Variants in ADCYAP1R1 observed in about 807,000 individuals in gnomAD.
ADCYAP1R1 encodes the protein pituitary adenylate cyclase-activating polypeptide type I receptor.
Under a neutral mutation model 67.6 loss-of-function variants are expected in ADCYAP1R1, and 44 were observed. That is an observed-to-expected ratio of 0.65 (90% CI 0.51 to 0.84). ADCYAP1R1 has a LOEUF of 0.84. Among genes scored for constraint, ADCYAP1R1 ranks in the 40% least tolerant of loss-of-function variants. ADCYAP1R1 has a pLI of 0.00. For missense variants in ADCYAP1R1, 477 were observed against 587.9 expected (o/e 0.81, Z 1.95); for synonymous variants, 222 against 219.6 (o/e 1.01, Z -0.10).
intron 3 of ADCYAP1R1, among the ~76,000 whole-genome samples, chr7:31,068,223 A>G (rs1050141783): frequency 1.3e-5 from 2 of 152,014 alleles, no homozygotes; most frequent in Admixed American, 6.5e-5. Context: ...GCGCACACAC[A>G]CACACACACA....
At chr7:31,103,130 C>T (rs1351057071) in intron 13 of ADCYAP1R1, 107 bp from the exon 14 acceptor site, 3 of 1,485,224 alleles carry the variant, frequency 2.0e-6, no homozygotes, top group Non-Finnish European at 9.1e-7. Flanking sequence ...ACACGGGCCC[C>T]AGCTTGGAGG....
rs1287377479 is a variant in ADCYAP1R1, at chr7:31,107,146, G to C, written c.*462G>C. 6.4e-6 allele frequency: 1 copy of C among 156,628 alleles called. No individual in the cohort carries two copies. The highest frequency in any genetic ancestry group is 1.4e-5 in the Non-Finnish European group (1 of 71,326). The allele number at this position is 156,628 out of a possible 1,614,324, so 9.7% of individuals were successfully genotyped here. On this transcript the variant is annotated 3_prime_UTR_variant, in exon 16 of 16. Coordinates refer to ENST00000304166, the MANE Select transcript of ADCYAP1R1 (RefSeq NM_001118.5). ...CATCTGATTTTGGGTGTGACCCCTC[G>C]AGTGTGCATGCCACCCTGGGGCTCT... is the stretch of plus-strand genomic sequence containing the variant.
intron 1 of ADCYAP1R1, among the ~76,000 whole-genome samples, chr7:31,061,847 C>T (rs912004223): frequency 2.0e-5 from 3 of 152,122 alleles, no homozygotes; most frequent in Non-Finnish European, 4.4e-5. Context: ...GGGGGGTGTG[C>T]GAAGACTAAT....
chr7:31,073,073 A>G (rs752124647), intron 3 of ADCYAP1R1, among the ~76,000 whole-genome samples: 105 of 152,384 alleles, frequency 6.9e-4, no homozygotes, highest in Middle Eastern at 3.4e-3. Flanking sequence ...GACCCATTTC[A>G]GACTTCTGAC....
chr7:31,055,725 A>G (rs1198189326), intron 1 of ADCYAP1R1, among the ~76,000 whole-genome samples: 1 of 152,224 alleles, frequency 6.6e-6, no homozygotes, highest in Non-Finnish European at 1.5e-5. Flanking sequence ...GTTAGGAAAG[A>G]TAAATAAATG....
intron 2 of ADCYAP1R1, among the ~76,000 whole-genome samples, chr7:31,064,474 A>G (rs1794646560): frequency 6.6e-6 from 1 of 152,192 alleles, no homozygotes; most frequent in African/African-American, 2.4e-5. Context: ...TAAAAATAGT[A>G]CTTCATAGTA....
intron 1 of ADCYAP1R1, among the ~76,000 whole-genome samples, chr7:31,056,504 C>A (rs1794250476): frequency 6.6e-6 from 1 of 152,088 alleles, no homozygotes; most frequent in Non-Finnish European, 1.5e-5. Flanking sequence ...CTACTGCCTC[C>A]TCCTGAAATT....
chr7:31,110,361 C>A lies in ADCYAP1R1; in HGVS notation c.*3677C>A, dbSNP rs1009715936. Reference sequence around the variant, plus strand: ...ACGCTTTGCTCCTGGCTTGTTTGACCTTGACTCATTCCCCATATGTCTTTG... The same window carrying A: ...ACGCTTTGCTCCTGGCTTGTTTGACATTGACTCATTCCCCATATGTCTTTG... On this transcript the variant is annotated 3_prime_UTR_variant, in exon 16 of 16. Transcript: ENST00000304166. 2 of 152,146 alleles carry A rather than the reference C, an allele frequency of 1.3e-5. No individual in the cohort carries two copies. Among genetic ancestry groups the A allele is most frequent in the African/African-American group, 4.8e-5 (2 of 41,442 alleles). The allele number at this position is 152,146 out of a possible 1,614,324, so 9.4% of individuals were successfully genotyped here. A position where few individuals can be genotyped will look rare whatever the true frequency, so the allele number is the denominator to read the frequency against.
Position 31,087,681 on chromosome 7 carries a change from G to A in ADCYAP1R1, c.939G>A (p.Val313=), listed in dbSNP as rs766962141. ...TALWWVIKGP[V]VGSIMVNFVL... ...TGTGGTGGGTGATCAAAGGCCCTGT[G>A]GTTGGCTCTATCATGGTGAGTGTCC... is the stretch of plus-strand genomic sequence containing the variant. The change falls in exon 12 of 16, where the codon GTG becomes GTA. Residue 313 remains valine, a synonymous_variant. Coordinates refer to ENST00000304166, the MANE Select transcript of ADCYAP1R1 (RefSeq NM_001118.5). 1.5e-4 allele frequency: 237 copies of A among 1,613,848 alleles called. No homozygotes were observed. Among genetic ancestry groups the A allele is most frequent in the Non-Finnish European group, 1.9e-4 (227 of 1,179,918 alleles).
intron 3 of ADCYAP1R1, among the ~76,000 whole-genome samples, chr7:31,065,880 C>T (rs545971111): frequency 2.6e-5 from 4 of 152,338 alleles, no homozygotes; most frequent in African/African-American, 9.6e-5. Context: ...TGTATTTAAG[C>T]ACTTGACTAA....
chr7:31,097,722 T>A (rs889015406), intron 13 of ADCYAP1R1, among the ~76,000 whole-genome samples: 5 of 151,976 alleles, frequency 3.3e-5, no homozygotes, highest in Admixed American at 1.3e-4. Flanking sequence ...ACAGGAACAA[T>A]CTTGAAGCTA....
rs560576557 is a variant in ADCYAP1R1 at position 31,085,310 on chromosome 7, G to A, written c.537G>A (p.Arg179=). The change falls in exon 9 of 16, where the codon CGG becomes CGA. Residue 179 remains arginine (R), a splice_region_variant and synonymous_variant. Transcript: ENST00000304166. ...TTTCTCCCCTGGCCCACTCATGTAG[G>A]AAGCTGCACTGCACACGCAACTTCA... ...TTAMVILCRF[R]KLHCTRNFIH... is the part of the protein sequence containing the mutation. 16 of 1,613,098 alleles carry A rather than the reference G, an allele frequency of 9.9e-6. No homozygotes were observed. Among genetic ancestry groups the A allele is most frequent in the Non-Finnish European group, 1.3e-5 (15 of 1,179,668 alleles).
rs1350717866 is a variant in ADCYAP1R1, at chr7:31,102,034, G to A, written c.1047-1203G>A. ...CCTTCCTTCCTTCTCCTCTCTGAAT[G>A]TAAGCTAGGAAGTCAAGGGCCTCAC... On this transcript the variant is annotated intron_variant, in intron 13 of 15. Transcript: ENST00000304166. This position sits in a 1 kb window ranked among gnomAD's most constrained non-coding sequence, Gnocchi z 4.3. Among the ~76,000 whole-genome samples, 1 of 152,144 alleles carries A rather than the reference G, an allele frequency of 6.6e-6. No individual in the cohort carries two copies. Among genetic ancestry groups the A allele is most frequent in the Non-Finnish European group, 1.5e-5 (1 of 68,024 alleles).
At chr7:31,078,391 C>T (rs76483469) in intron 4 of ADCYAP1R1, among the ~76,000 whole-genome samples, 6,257 of 152,286 alleles carry the variant, frequency 0.041, 149 homozygotes, top group East Asian at 0.1. Flanking sequence ...GTATGTGGCC[C>T]GGTGGCCCCC....
At chr7:31,058,255 C>T (rs1794340756) in intron 1 of ADCYAP1R1, among the ~76,000 whole-genome samples, 1 of 152,164 alleles carries the variant, frequency 6.6e-6, no homozygotes, top group African/African-American at 2.4e-5. Flanking sequence ...CTCTGAGTCC[C>T]CTCTGCACGG....
At chr7:31,069,820 C>A (rs567783442) in intron 3 of ADCYAP1R1, among the ~76,000 whole-genome samples, 2 of 152,214 alleles carry the variant, frequency 1.3e-5, no homozygotes, top group East Asian at 3.9e-4. Flanking sequence ...GAGAGGTGGC[C>A]GTGGGGAGTG....
In ADCYAP1R1 at chr7:31,063,177, C is replaced by A; in HGVS notation, c.-71-17C>A. 1 of 1,544,896 alleles carries A rather than the reference C, an allele frequency of 6.5e-7. No homozygotes were observed. The highest frequency in any genetic ancestry group is 1.1e-5 in the South Asian group (1 of 88,984). On this transcript the variant is annotated splice_polypyrimidine_tract_variant and intron_variant, in intron 1 of 15. Coordinates refer to ENST00000304166, the MANE Select transcript of ADCYAP1R1 (RefSeq NM_001118.5). The stretch of plus-strand genomic sequence containing the variant: ...TGCACTGGGCTCACAGGATTCACAC[C>A]TTTCCTTCCTCTCTAGCCCAGAGAC...
At position 31,052,682 on chromosome 7, in the gene ADCYAP1R1, A is replaced by T. The variant is rs1269168326; in HGVS notation, c.-72+4A>T. On this transcript the variant is annotated splice_donor_region_variant and intron_variant, in intron 1 of 15. Coordinates refer to ENST00000304166, the MANE Select transcript of ADCYAP1R1 (RefSeq NM_001118.5). ...GGACAGGCCCCGCAGTGAGCAGGTA[A>T]GGGTCGCCCCGCCGCGGCTGCCCCT... 1 of 151,828 alleles carries T rather than the reference A, an allele frequency of 6.6e-6. No individual in the cohort carries two copies. The highest frequency in any genetic ancestry group is 1.5e-5 in the Non-Finnish European group (1 of 68,018). 9.4% of individuals were successfully genotyped at this position (151,828 alleles called of 1,614,324 possible).
At position 31,106,868 on chromosome 7, in the gene ADCYAP1R1, G is replaced by T. The variant is rs1466822396; in HGVS notation, c.*184G>T. 4.2e-6 allele frequency: 3 copies of T among 719,432 alleles called. No homozygotes were observed. Among genetic ancestry groups the T allele is most frequent in the Non-Finnish European group, 6.5e-6 (3 of 458,702 alleles). The allele number at this position is 719,432 out of a possible 1,614,324, so 44.6% of individuals were successfully genotyped here. ...TTGTCCCCTCCTTGTTTTGGTACTGGTCCCACCCACTGTGGTCCCCTGGGC... is the reference window on the plus strand; with the variant it reads ...TTGTCCCCTCCTTGTTTTGGTACTGTTCCCACCCACTGTGGTCCCCTGGGC... On this transcript the variant is annotated 3_prime_UTR_variant, in exon 16 of 16. Transcript: ENST00000304166.
Sources: allele counts gnomAD v4.1 joint callset (sites outside exome capture counted in the v4.1 genomes callset), GRCh38; gene constraint gnomAD v4.1.1; non-coding constraint Gnocchi (gnomAD v3.1); transcripts MANE v1.5; gene names NCBI Gene and HGNC (gene_info 2026-07-23, HGNC 2026-07-21).